Variants in ANKS1B observed in about 807,000 individuals in gnomAD.
ANKS1B encodes the protein ankyrin repeat and sterile alpha motif domain-containing protein 1B.
In ANKS1B, 36 loss-of-function variants were observed where a neutral mutation model predicts 148.3. That is an observed-to-expected ratio of 0.24 (90% CI 0.19 to 0.32). ANKS1B has a LOEUF of 0.32. Ranked by LOEUF, ANKS1B falls within the 10% of genes least tolerant of loss-of-function variation. The pLI is 1.00. For missense variants in ANKS1B, 1,157 were observed against 1,542.6 expected (o/e 0.75, Z 4.19); for synonymous variants, 542 against 560.8 (o/e 0.97, Z 0.47).
At chr12:98,849,741 A>G (rs142312811) in intron 17 of ANKS1B, among the ~76,000 whole-genome samples, 1 of 152,326 alleles carries the variant, frequency 6.6e-6, no homozygotes, top group East Asian at 1.9e-4. Context: ...GCAGAAAAAG[A>G]CCGTCTTAAT....
At chr12:99,862,344 T>C (rs1015368866) in intron 1 of ANKS1B, among the ~76,000 whole-genome samples, 9 of 152,190 alleles carry the variant, frequency 5.9e-5, no homozygotes, top group African/African-American at 1.4e-4. Context: ...GGCTTTTCAA[T>C]AGTCAAACTC....
intron 17 of ANKS1B, among the ~76,000 whole-genome samples, chr12:98,929,306 T>C (rs567085435): frequency 6.6e-6 from 1 of 152,208 alleles, no homozygotes; most frequent in African/African-American, 2.4e-5. Context: ...AGAAAACTCA[T>C]GTTCATGTAT....
intron 15 of ANKS1B, among the ~76,000 whole-genome samples, chr12:99,122,994 A>AT (rs58833585): frequency 3.4e-4 from 38 of 112,294 alleles, no homozygotes; most frequent in Middle Eastern, 4.4e-3. Context: ...AAATTAAAAA[A>AT]AAAATATATA....
At chr12:99,182,238 C>A (rs145778606) in intron 14 of ANKS1B, among the ~76,000 whole-genome samples, 191 of 152,188 alleles carry the variant, frequency 1.3e-3, no homozygotes, top group Non-Finnish European at 2.2e-3. Flanking sequence ...ATGGGGGAAA[C>A]CACCCCCACG....
At chr12:99,175,244 TG>T (rs1566554203) in intron 14 of ANKS1B, among the ~76,000 whole-genome samples, 1 of 152,184 alleles carries the variant, frequency 6.6e-6, no homozygotes, top group African/African-American at 2.4e-5. Context: ...CCATGGACAT[TG>T]AGCAAAGTTT....
At chr12:99,189,425 AT>A (rs989234439) in intron 14 of ANKS1B, among the ~76,000 whole-genome samples, 1 of 152,222 alleles carries the variant, frequency 6.6e-6, no homozygotes, top group Admixed American at 6.5e-5. Context: ...CCTGATGAAC[AT>A]CAATGCAAAA....
intron 9 of ANKS1B, among the ~76,000 whole-genome samples, chr12:99,537,081 C>G (rs1315347916): frequency 6.6e-6 from 1 of 152,094 alleles, no homozygotes; most frequent in African/African-American, 2.4e-5. Context: ...TTGCAAATGA[C>G]TTGTCTAGAT....
intron 19 of ANKS1B, among the ~76,000 whole-genome samples, chr12:98,822,260 T>TA (rs1351771542): frequency 1.3e-5 from 2 of 152,100 alleles, no homozygotes; most frequent in Admixed American, 6.5e-5. Flanking sequence ...TACTAGATGT[T>TA]AAAAAACCTT....
At chr12:99,839,792 G>T (rs1301989831) in intron 1 of ANKS1B, among the ~76,000 whole-genome samples, 1 of 151,920 alleles carries the variant, frequency 6.6e-6, no homozygotes, top group Non-Finnish European at 1.5e-5. Context: ...GGTGAAGCAG[G>T]GATTCAAACC....
At chr12:99,875,439 A>G (rs1315076640) in intron 1 of ANKS1B, among the ~76,000 whole-genome samples, 3 of 94,696 alleles carry the variant, frequency 3.2e-5, no homozygotes, top group African/African-American at 9.0e-5. Flanking sequence ...TTTAACTTAG[A>G]AAAAAAAAAG....
chr12:99,450,636 C>T (rs1412870924), intron 10 of ANKS1B, among the ~76,000 whole-genome samples: 2 of 152,142 alleles, frequency 1.3e-5, no homozygotes, highest in African/African-American at 2.4e-5. Context: ...ATGAGCTATA[C>T]CATTACACTG....
chr12:99,510,508 AG>A (rs1247305005), intron 9 of ANKS1B, among the ~76,000 whole-genome samples: 1 of 151,974 alleles, frequency 6.6e-6, no homozygotes, highest in Admixed American at 6.6e-5. Flanking sequence ...ATAAATAGCA[AG>A]AGAACTGGAA....
At chr12:99,738,329 C>T (rs142609568) in intron 8 of ANKS1B, among the ~76,000 whole-genome samples, 1 of 152,166 alleles carries the variant, frequency 6.6e-6, no homozygotes, top group Non-Finnish European at 1.5e-5. Flanking sequence ...TCACTCATAG[C>T]ATTACTATTA....
intron 9 of ANKS1B, among the ~76,000 whole-genome samples, chr12:99,509,649 C>T (rs2153023903): frequency 6.6e-6 from 1 of 152,060 alleles, no homozygotes; most frequent in East Asian, 1.9e-4. Flanking sequence ...AAACTATCTC[C>T]ATAACATAAA....
At position 99,191,941 on chromosome 12, in the gene ANKS1B, T is replaced by G. The variant is rs556241870; in HGVS notation, c.2420-37546A>C. Among the ~76,000 whole-genome samples, 9 of 151,862 alleles carry G rather than the reference T, an allele frequency of 5.9e-5. No homozygotes were observed. The South Asian group carries it at 1.9e-3, about 32-fold the overall frequency. ...GAGGTCAGGAGTTTGAGACCAGCCTTACCAACATGGTGAAACCCCATCTCT... is the reference window on the plus strand; with the variant it reads ...GAGGTCAGGAGTTTGAGACCAGCCTGACCAACATGGTGAAACCCCATCTCT... On this transcript the variant is annotated intron_variant, in intron 14 of 26. Transcript: ENST00000683438.
intron 17 of ANKS1B, among the ~76,000 whole-genome samples, chr12:98,901,739 G>A (rs1352145219): frequency 6.6e-6 from 1 of 152,096 alleles, no homozygotes; most frequent in Non-Finnish European, 1.5e-5. Flanking sequence ...CAGACTCTCT[G>A]ATTTTCTCTC....
chr12:99,318,517 C>G (rs2084597278), intron 12 of ANKS1B, among the ~76,000 whole-genome samples: 5 of 152,060 alleles, frequency 3.3e-5, no homozygotes, highest in Admixed American at 3.3e-4. Context: ...GTGGTGATAT[C>G]CCCTTTATCA....
At chr12:98,811,653 C>T (rs1276846548) in intron 19 of ANKS1B, among the ~76,000 whole-genome samples, 2 of 152,190 alleles carry the variant, frequency 1.3e-5, no homozygotes, top group East Asian at 1.9e-4. Context: ...GTTCTTTCCA[C>T]AGGACTCAGA....
chr12:99,339,812 G>C (rs576666438), intron 12 of ANKS1B, among the ~76,000 whole-genome samples: 35 of 152,160 alleles, frequency 2.3e-4, no homozygotes, highest in Non-Finnish European at 4.7e-4. Context: ...CCTAGATCCA[G>C]TCTCCACTTT....
Sources: gnomAD v4.1 joint callset for allele counts (sites outside exome capture counted in the v4.1 genomes callset) on GRCh38, gnomAD v4.1.1 for gene constraint, MANE v1.5 for transcripts, NCBI Gene and HGNC (gene_info 2026-07-23, HGNC 2026-07-21) for gene names.